DPP6: variants seen among roughly 807,000 people sequenced by gnomAD.
DPP6 encodes A-type potassium channel modulatory protein DPP6.
Under a neutral mutation model 122.6 loss-of-function variants are expected in DPP6, and 69 were observed. The observed-to-expected ratio is 0.56, with a 90% CI of 0.46 to 0.69. The LOEUF (loss-of-function observed/expected upper bound fraction) is 0.69, where lower values mean the gene tolerates loss of function less well. Among genes scored for constraint, DPP6 ranks in the 30% least tolerant of loss-of-function variants. The pLI, the probability that DPP6 is intolerant of heterozygous loss-of-function variation, is 0.00. For missense variants in DPP6, 928 were observed against 1,116.9 expected (o/e 0.83, Z 2.41); for synonymous variants, 418 against 433.1 (o/e 0.97, Z 0.43).
In DPP6 at chr7:154,515,941, G is replaced by A. The variant is rs956005563; in HGVS notation, c.458-24591G>A. On this transcript the variant is annotated intron_variant, in intron 3 of 25. Transcript: ENST00000377770. ...GTGTCTGTGCCTAAACAGTGAGAAC[G>A]AAAATACAATCTATTCATTGAAAAG... Among the ~76,000 whole-genome samples, 4 of 152,246 alleles carry A rather than the reference G, an allele frequency of 2.6e-5. No homozygotes were observed. The East Asian group carries it at 5.8e-4, about 22-fold the overall frequency.
chr7:154,554,726 G>A (rs992184369), intron 4 of DPP6, among the ~76,000 whole-genome samples: 2 of 152,172 alleles, frequency 1.3e-5, no homozygotes, highest in African/African-American at 4.8e-5. Flanking sequence ...GTGAAATACT[G>A]TATATACCCA....
At chr7:154,271,643 A>G (rs748885966) in intron 1 of DPP6, among the ~76,000 whole-genome samples, 1 of 152,174 alleles carries the variant, frequency 6.6e-6, no homozygotes, top group Non-Finnish European at 1.5e-5. Flanking sequence ...CCATGTGGCC[A>G]TACTGTGACA....
chr7:154,842,037 T>G (rs976144629), intron 16 of DPP6, among the ~76,000 whole-genome samples: 8 of 152,240 alleles, frequency 5.3e-5, no homozygotes, highest in Admixed American at 1.3e-4. Flanking sequence ...GCTAGCTCCC[T>G]GTTTATTAGT....
At chr7:154,738,178 G>T (rs1273250221) in intron 8 of DPP6, among the ~76,000 whole-genome samples, 2 of 152,204 alleles carry the variant, frequency 1.3e-5, no homozygotes, top group African/African-American at 4.8e-5. Context: ...CATGGAAAAG[G>T]CGGGGGTATT....
At chr7:154,307,881 A>G (rs200022387) in intron 1 of DPP6, among the ~76,000 whole-genome samples, 1 of 142,716 alleles carries the variant, frequency 7.0e-6, no homozygotes, top group Admixed American at 7.0e-5. Context: ...TTTTTTTTTA[A>G]TTTATTTTTT....
chr7:153,990,994 T>G (rs1357818316), intron 1 of DPP6, among the ~76,000 whole-genome samples: 1 of 152,202 alleles, frequency 6.6e-6, no homozygotes, highest in Non-Finnish European at 1.5e-5. Context: ...CCTTGGGATG[T>G]GCAGTGGTAC....
chr7:153,966,181 CTT>C (rs1209908494), intron 1 of DPP6, among the ~76,000 whole-genome samples: 4 of 134,880 alleles, frequency 3.0e-5, no homozygotes, highest in African/African-American at 1.1e-4. Flanking sequence ...GTTGGAGAAT[CTT>C]TCACATTGTG....
At chr7:154,110,097 G>T (rs1435167187) in intron 1 of DPP6, among the ~76,000 whole-genome samples, 2 of 151,046 alleles carry the variant, frequency 1.3e-5, no homozygotes, top group Non-Finnish European at 2.9e-5. Context: ...GTGGAAACTG[G>T]TTTTTGCTGG....
chr7:153,809,883 A>T, the DPP6 span, among the ~76,000 whole-genome samples: 10 of 145,812 alleles, frequency 6.9e-5, no homozygotes, highest in East Asian at 2.0e-3. Context: ...GAACTTTCAA[A>T]TAAAGTGTAG....
the DPP6 span, among the ~76,000 whole-genome samples, chr7:153,824,484 C>T: frequency 1.3e-5 from 2 of 150,636 alleles, no homozygotes; most frequent in Admixed American, 1.3e-4. Flanking sequence ...GTCAGGAGTT[C>T]GACACTAGCA....
intron 1 of DPP6, among the ~76,000 whole-genome samples, chr7:154,355,263 A>G (rs573118185): frequency 5.9e-5 from 9 of 152,218 alleles, no homozygotes; most frequent in Admixed American, 1.3e-4. Flanking sequence ...AAAGTTATTT[A>G]TATATTCTAG....
intron 1 of DPP6, among the ~76,000 whole-genome samples, chr7:154,221,442 A>G (rs1800301793): frequency 6.6e-6 from 1 of 152,054 alleles, no homozygotes; most frequent in Non-Finnish European, 1.5e-5. Context: ...CACCCAGCCT[A>G]CCACTGTGCT....
At chr7:153,791,845 G>A in the DPP6 span, among the ~76,000 whole-genome samples, 1 of 152,240 alleles carries the variant, frequency 6.6e-6, no homozygotes, top group African/African-American at 2.4e-5. Flanking sequence ...ATACAAATGA[G>A]AGGGAGACAA....
rs1210316379 is a variant in DPP6, at chr7:154,885,780, C to CTCCCG, written c.2245+37_2245+41dup. ...CTGCAGGACCAAGCGACGGGCTCTG[C>CTCCCG]TCCCGCCCCGCCCCGCCCCCTGCCT... On this transcript the variant is annotated intron_variant, in intron 22 of 25. Transcript: ENST00000377770. The CTCCCG allele has an allele frequency of 6.4e-6, 10 of 1,552,462 alleles. No homozygotes were observed. In the African/African-American group the frequency reaches 8.2e-5, roughly 13 times the overall value.
At chr7:154,843,399 G>T (rs918394277) in intron 16 of DPP6, among the ~76,000 whole-genome samples, 2 of 152,152 alleles carry the variant, frequency 1.3e-5, no homozygotes, top group Non-Finnish European at 2.9e-5. Flanking sequence ...AAACAGAAAA[G>T]CAATCCCGTG....
chr7:153,815,594 C>T, the DPP6 span, among the ~76,000 whole-genome samples: 1 of 151,212 alleles, frequency 6.6e-6, no homozygotes, highest in African/African-American at 2.4e-5. Context: ...GTTAGCCTCT[C>T]TGACATGAAA....
At chr7:153,798,969 G>A in the DPP6 span, among the ~76,000 whole-genome samples, 344 of 152,280 alleles carry the variant, frequency 2.3e-3, no homozygotes, top group African/African-American at 7.6e-3. Flanking sequence ...GATCTGACAG[G>A]AGGCAGAGCT....
At chr7:153,918,014 G>C (rs1981632) in intron 1 of DPP6, among the ~76,000 whole-genome samples, 1 of 152,010 alleles carries the variant, frequency 6.6e-6, no homozygotes, top group African/African-American at 2.4e-5. Flanking sequence ...TGTAGAATGT[G>C]TGTCTGATAC....
At chr7:154,656,548 G>A (rs148691423) in intron 6 of DPP6, among the ~76,000 whole-genome samples, 1 of 152,320 alleles carries the variant, frequency 6.6e-6, no homozygotes, top group Non-Finnish European at 1.5e-5. Flanking sequence ...AAGATCTTCA[G>A]AGAAGCAATT....
Sources: gnomAD v4.1 joint callset for allele counts (sites outside exome capture counted in the v4.1 genomes callset) on GRCh38, gnomAD v4.1.1 for gene constraint, MANE v1.5 for transcripts, NCBI Gene and HGNC (gene_info 2026-07-23, HGNC 2026-07-21) for gene names.